The following CLASRP variants were observed in gnomAD, a reference collection of about 807,000 sequenced individuals.
CLASRP encodes the protein CLK4 associating serine/arginine rich protein.
A neutral mutation model predicts 99.9 loss-of-function variants in CLASRP; 52 were observed. The ratio of observed to expected loss-of-function variants is 0.52; its 90% confidence interval spans 0.42 to 0.66. The LOEUF (loss-of-function observed/expected upper bound fraction) is 0.66. Ranked by LOEUF, CLASRP falls within the 30% of genes least tolerant of loss-of-function variation. The probability of loss-of-function intolerance (pLI) is 0.00; values close to 1 mark genes in which losing one functional copy is unlikely to be tolerated. For missense variants in CLASRP, 848 were observed against 999.2 expected, an observed-to-expected ratio of 0.85 and a Z score of 2.04; for synonymous variants, 379 against 373.0, an observed-to-expected ratio of 1.02 and a Z score of -0.18.
rs375251030 is a variant in CLASRP at position 45,067,487 on chromosome 19, GAGCCGCAGCCGCAGCCGC to G, written c.1571_1588del (p.Arg524_Ser529del). 5.1e-6 allele frequency: 8 copies of G among 1,573,340 alleles called. No homozygotes were observed. The African/African-American group carries it at 5.4e-5, about 11-fold the overall frequency. On this transcript the variant is annotated inframe_deletion, in exon 14 of 21. Coordinates refer to ENST00000221455, the MANE Select transcript of CLASRP (RefSeq NM_007056.3). The surrounding 1 kb of genome is among the most constrained non-coding windows in gnomAD (Gnocchi z 4.9). ...GCAGCCATAGCCCCAGCCCCAGCCA[GAGCCGCAGCCGCAGCCGC>G]AGCCGCAGCCAGAGCCCCTCGCCAT...
chr19:45,070,427 T>A lies in CLASRP; in HGVS notation c.1958-110T>A. ...CACTGGACTCTCTGGAAATGTCCCC[T>A]CATTTGGAGACAACCCCTGAAGTTC... On this transcript the variant is annotated intron_variant, in intron 19 of 20. Transcript: ENST00000221455. 3 of 965,038 alleles carry A rather than the reference T, an allele frequency of 3.1e-6. No individual in the cohort carries two copies. The South Asian group carries it at 3.9e-5, about 12-fold the overall frequency. The allele number at this position is 965,038 out of a possible 1,614,324, so 59.8% of individuals were successfully genotyped here.
chr19:45,057,105 G>T (rs181034392), intron 6 of CLASRP, among the ~76,000 whole-genome samples: 226 of 152,282 alleles, frequency 1.5e-3, no homozygotes, highest in Middle Eastern at 3.4e-3. Flanking sequence ...CTCCACCTCA[G>T]TCTGATGAGT....
intron 2 of CLASRP, among the ~76,000 whole-genome samples, chr19:45,049,045 C>T (rs1971974661): frequency 6.6e-6 from 1 of 152,156 alleles, no homozygotes; most frequent in South Asian, 2.1e-4. Flanking sequence ...TGAGACAGTG[C>T]ACATAAAACA....
At position 45,053,942 on chromosome 19, in the gene CLASRP, G is replaced by C. The variant is rs569116453; in HGVS notation, c.379+765G>C. The stretch of plus-strand genomic sequence containing the variant: ...AGCCAGGAACAGATTTTTTACCTCT[G>C]TGTATTTTACTCTGCCCGCACAGAT... On this transcript the variant is annotated intron_variant, in intron 5 of 20. Coordinates refer to ENST00000221455, the MANE Select transcript of CLASRP (RefSeq NM_007056.3). Among the ~76,000 whole-genome samples the C allele has an allele frequency of 2.6e-3, 390 of 152,288 alleles. 1 individual carries two copies. Among genetic ancestry groups the C allele is most frequent in the African/African-American group, 8.2e-3 (340 of 41,548 alleles).
At chr19:45,054,745 C>G (rs1050337693) in intron 5 of CLASRP, among the ~76,000 whole-genome samples, 5 of 152,192 alleles carry the variant, frequency 3.3e-5, no homozygotes, top group African/African-American at 1.2e-4. Context: ...GGGTTTGTCC[C>G]TTACCACCTG....
chr19:45,044,763 A>G (rs1418069539), intron 2 of CLASRP, among the ~76,000 whole-genome samples: 5 of 152,048 alleles, frequency 3.3e-5, no homozygotes, highest in Admixed American at 6.6e-5. Flanking sequence ...CCCTGTCTCA[A>G]AAAAGAAAGG....
chr19:45,065,157 C>G (rs930813295), intron 13 of CLASRP, among the ~76,000 whole-genome samples: 1 of 151,958 alleles, frequency 6.6e-6, no homozygotes, highest in African/African-American at 2.4e-5. Flanking sequence ...CTTTGGGAGG[C>G]CGAGGCAGGC....
chr19:45,039,319 T>G (rs1971764924), intron 1 of CLASRP, among the ~76,000 whole-genome samples: 1 of 150,864 alleles, frequency 6.6e-6, no homozygotes, highest in Non-Finnish European at 1.5e-5. Context: ...AACTCGGCCT[T>G]CGGCCCAGCA....
rs773747275 is a variant in CLASRP at position 45,062,212 on chromosome 19, G to A, written c.905+17G>A. On this transcript the variant is annotated intron_variant, in intron 11 of 20. Coordinates refer to ENST00000221455, the MANE Select transcript of CLASRP (RefSeq NM_007056.3). ...CTATAAGCGGTAAGTTGCTCTGGAG[G>A]ACCAGGGAATAGCAGACAGGGAGCC... is the stretch of plus-strand genomic sequence containing the variant. 1.4e-6 allele frequency: 2 copies of A among 1,431,012 alleles called. No homozygotes were observed. The highest frequency in any genetic ancestry group is 2.3e-5 in the South Asian group (2 of 87,490). 88.6% of individuals were successfully genotyped at this position (1,431,012 alleles called of 1,614,324 possible). A position where few individuals can be genotyped will look rare whatever the true frequency, so the allele number is the denominator to read the frequency against.
chr19:45,057,600 G>A, intron 6 of CLASRP, 150 bp from the exon 7 acceptor site: 4 of 818,538 alleles, frequency 4.9e-6, no homozygotes, highest in East Asian at 2.5e-5. Flanking sequence ...GGAAGAGGGA[G>A]GAGCTGGGTG....
chr19:45,070,544 A>G lies in CLASRP; in HGVS notation c.1965A>G (p.Glu655=). The G allele has an allele frequency of 6.2e-7, 1 of 1,613,986 alleles. No individual in the cohort carries two copies. Among genetic ancestry groups the G allele is most frequent in the South Asian group, 1.1e-5 (1 of 91,074 alleles). Residue 655 remains glutamate (E), a synonymous_variant, in exon 20 of 21, where the codon GAA becomes GAG. Coordinates refer to ENST00000221455, the MANE Select transcript of CLASRP (RefSeq NM_007056.3). ...SRSPSPRYSR[E]YSSSRRRSRS... ...CTGTTGTTTTCTTTCCAGGTCGAGAATACAGCTCTTCTCGAAGGTAAGGAA... is the reference window on the plus strand; with the variant it reads ...CTGTTGTTTTCTTTCCAGGTCGAGAGTACAGCTCTTCTCGAAGGTAAGGAA...
intron 2 of CLASRP, among the ~76,000 whole-genome samples, chr19:45,050,385 A>G (rs1364677550): frequency 6.6e-6 from 1 of 152,206 alleles, no homozygotes; most frequent in Non-Finnish European, 1.5e-5. Context: ...TGGAAAGGAC[A>G]GACTATAACA....
chr19:45,070,789 CTT>C lies in CLASRP; in HGVS notation c.1983-12_1983-11del, dbSNP rs1967224836. The C allele has an allele frequency of 2.5e-6, 4 of 1,607,808 alleles. No homozygotes were observed. In the African/African-American group the frequency reaches 5.4e-5, roughly 22 times the overall value. ...TATGCCCCATCCTCACGGCCCCTCC[CTT>C]TCTCTTTCCAGGCGCTCAAGGTCCC... On this transcript the variant is annotated splice_polypyrimidine_tract_variant and intron_variant, in intron 20 of 20. Coordinates refer to ENST00000221455, the MANE Select transcript of CLASRP (RefSeq NM_007056.3).
In CLASRP at chr19:45,052,132, C is replaced by T. The variant is rs1364689101; in HGVS notation, c.161C>T (p.Ser54Phe). The T allele has an allele frequency of 6.2e-7, 1 of 1,614,064 alleles. No homozygotes were observed. Among genetic ancestry groups the T allele is most frequent in the Non-Finnish European group, 8.5e-7 (1 of 1,180,020 alleles). ...CGAGCTTGCAAGGTGCACCTGGATT[C>T]TGCAGTCGCCCTGGCCGCTGAGAGC... ...HGRACKVHLD[S>F]AVALAAESPV... Residue 54 changes from serine to phenylalanine, a missense_variant, in exon 3 of 21, where the codon TCT becomes TTT. Transcript: ENST00000221455.
At chr19:45,042,338 C>T (rs926051187) in intron 2 of CLASRP, among the ~76,000 whole-genome samples, 9 of 151,852 alleles carry the variant, frequency 5.9e-5, no homozygotes, top group African/African-American at 7.3e-5. Flanking sequence ...CTGGAGGAGC[C>T]AGGACTGGAG....
intron 2 of CLASRP, chr19:45,040,565 A>G (rs1971793305): frequency 5.3e-6 from 2 of 378,532 alleles, no homozygotes. Context: ...AAGTCTCTGT[A>G]ACCCTCAGAG....
At chr19:45,042,372 G>A (rs1971828353) in intron 2 of CLASRP, among the ~76,000 whole-genome samples, 1 of 151,996 alleles carries the variant, frequency 6.6e-6, no homozygotes, top group South Asian at 2.1e-4. Context: ...GGAAGAGGCT[G>A]GGGCAGTAAT....
chr19:45,056,377 C>A, intron 5 of CLASRP, 73 bp from the exon 6 acceptor site: 1 of 1,365,284 alleles, frequency 7.3e-7, no homozygotes, highest in Non-Finnish European at 1.0e-6. Context: ...TGCCCCACCG[C>A]ACCCTTGTGT....
chr19:45,065,265 C>A (rs1967058044), intron 13 of CLASRP, among the ~76,000 whole-genome samples: 1 of 151,296 alleles, frequency 6.6e-6, no homozygotes, highest in Non-Finnish European at 1.5e-5. Context: ...TGGCACACGC[C>A]TGTAGTCCCA....
Sources: gnomAD v4.1 joint callset for allele counts (sites outside exome capture counted in the v4.1 genomes callset) on GRCh38, gnomAD v4.1.1 for gene constraint, Gnocchi (gnomAD v3.1) non-coding constraint, MANE v1.5 for transcripts, NCBI Gene and HGNC (gene_info 2026-07-23, HGNC 2026-07-21) for gene names.